PRKCE: variants seen among roughly 807,000 people sequenced by gnomAD.
PRKCE encodes protein kinase C epsilon type.
A neutral mutation model predicts 85.4 loss-of-function variants in PRKCE; 16 were observed. The observed-to-expected ratio is 0.19, with a 90% CI of 0.13 to 0.28. PRKCE has a LOEUF of 0.28. PRKCE is among the 10% of genes least tolerant of loss of function. PRKCE has a pLI of 1.00. For missense variants in PRKCE, 573 were observed against 975.2 expected, an observed-to-expected ratio of 0.59 and a Z score of 5.49; for synonymous variants, 388 against 371.5, an observed-to-expected ratio of 1.04 and a Z score of -0.51.
chr2:45,741,772 C>T (rs1273983477), intron 1 of PRKCE, among the ~76,000 whole-genome samples: 2 of 152,172 alleles, frequency 1.3e-5, no homozygotes, highest in African/African-American at 4.8e-5. Context: ...AGGAAAGCTG[C>T]CAGCATGACC....
At chr2:45,898,966 A>G (rs1337326523) in intron 2 of PRKCE, among the ~76,000 whole-genome samples, 1 of 152,234 alleles carries the variant, frequency 6.6e-6, no homozygotes, top group Non-Finnish European at 1.5e-5. Context: ...CTTCTTAGCT[A>G]GGCCATACAC....
intron 1 of PRKCE, among the ~76,000 whole-genome samples, chr2:45,734,659 T>C (rs1359279165): frequency 1.3e-5 from 2 of 152,194 alleles, no homozygotes; most frequent in Non-Finnish European, 1.5e-5. Context: ...TGTTGTGTGT[T>C]AAGAGAACCC....
At chr2:45,655,819 G>GGGT (rs1417498848) in intron 1 of PRKCE, among the ~76,000 whole-genome samples, 1 of 139,296 alleles carries the variant, frequency 7.2e-6, no homozygotes, top group Non-Finnish European at 1.5e-5. Context: ...ATTCCAGCCT[G>GGGT]GGTGACAGAG....
At chr2:45,927,402 C>A (rs1698715519) in intron 2 of PRKCE, among the ~76,000 whole-genome samples, 1 of 152,126 alleles carries the variant, frequency 6.6e-6, no homozygotes, top group South Asian at 2.1e-4. Context: ...TGCAATCTTC[C>A]TATGAAGCAG....
intron 10 of PRKCE, among the ~76,000 whole-genome samples, chr2:46,033,095 C>T (rs1424415127): frequency 3.9e-5 from 6 of 152,176 alleles, no homozygotes; most frequent in African/African-American, 9.7e-5. Flanking sequence ...CCACTTATGA[C>T]GCAATGACAA....
At chr2:46,062,091 A>T (rs1667196922) in intron 10 of PRKCE, among the ~76,000 whole-genome samples, 1 of 151,552 alleles carries the variant, frequency 6.6e-6, no homozygotes, top group Non-Finnish European at 1.5e-5. Flanking sequence ...CAAACTCCTA[A>T]CCTTAGGTGA....
chr2:45,934,959 G>A (rs1450717413), intron 2 of PRKCE, among the ~76,000 whole-genome samples: 1 of 151,880 alleles, frequency 6.6e-6, no homozygotes. Context: ...TACTTGTGAG[G>A]CTGAGGCAGG....
intron 1 of PRKCE, among the ~76,000 whole-genome samples, chr2:45,672,706 CT>C (rs977902133): frequency 6.6e-6 from 1 of 152,144 alleles, no homozygotes; most frequent in African/African-American, 2.4e-5. Flanking sequence ...AGTGGCTGGT[CT>C]TTACATGTCA....
chr2:45,741,491 A>T (rs568723545), intron 1 of PRKCE, among the ~76,000 whole-genome samples: 1 of 152,280 alleles, frequency 6.6e-6, no homozygotes, highest in South Asian at 2.1e-4. Context: ...GCAGACAGAG[A>T]GCCAAGGTTC....
At chr2:45,694,851 T>C (rs1370938272) in intron 1 of PRKCE, among the ~76,000 whole-genome samples, 1 of 150,912 alleles carries the variant, frequency 6.6e-6, no homozygotes, top group Non-Finnish European at 1.5e-5. Flanking sequence ...ATGTGGAGGG[T>C]TTTAAATATC....
In PRKCE at chr2:45,904,396, T is replaced by C. The variant is rs143027165; in HGVS notation, c.412+61333T>C. ...CAGGGCAAATCACAGGGGGAGAAGA[T>C]GAGGTTTCTTAACAGTACCACCTCT... On this transcript the variant is annotated intron_variant, in intron 2 of 14. Transcript: ENST00000306156. Among the ~76,000 whole-genome samples, 6 of 152,132 alleles carry C rather than the reference T, an allele frequency of 3.9e-5. No homozygotes were observed. In the East Asian group the frequency reaches 1.2e-3, roughly 29 times the overall value.
chr2:45,803,852 G>T (rs896706080), intron 1 of PRKCE, among the ~76,000 whole-genome samples: 5 of 152,192 alleles, frequency 3.3e-5, no homozygotes, highest in Non-Finnish European at 2.9e-5. Context: ...GCTTTGCAGG[G>T]TGAGTGGGGG....
At chr2:46,129,953 T>A (rs541973099) in intron 11 of PRKCE, among the ~76,000 whole-genome samples, 2 of 152,222 alleles carry the variant, frequency 1.3e-5, no homozygotes, top group Non-Finnish European at 2.9e-5. Flanking sequence ...TCTTAACAGC[T>A]AATCTCTGGC....
At chr2:45,820,515 G>A (rs1444951158) in intron 1 of PRKCE, among the ~76,000 whole-genome samples, 4 of 152,108 alleles carry the variant, frequency 2.6e-5, no homozygotes, top group African/African-American at 9.7e-5. Flanking sequence ...AAGGGGGTGG[G>A]AGACAGTTGG....
chr2:45,769,571 C>T (rs1200482106), intron 1 of PRKCE, among the ~76,000 whole-genome samples: 1 of 152,156 alleles, frequency 6.6e-6, no homozygotes, highest in East Asian at 1.9e-4. Flanking sequence ...CATCCAGAGA[C>T]TAGTTTATTT....
At chr2:45,670,133 G>A (rs1307786515) in intron 1 of PRKCE, among the ~76,000 whole-genome samples, 1 of 152,168 alleles carries the variant, frequency 6.6e-6, no homozygotes, top group African/African-American at 2.4e-5. Flanking sequence ...AGCTGAAGAG[G>A]TGGCTCTATG....
rs528571536 is a variant in PRKCE at position 46,097,334 on chromosome 2, C to T, written c.1592+10972C>T. The stretch of plus-strand genomic sequence containing the variant: ...GAGATCGAGACCATCCTGGCTAACG[C>T]GGGGAAACCCCGTCTCTACTAAATA... On this transcript the variant is annotated intron_variant, in intron 11 of 14. Transcript: ENST00000306156. 1.1e-4 allele frequency among the ~76,000 whole-genome samples: 17 copies of T among 151,614 alleles called. No individual in the cohort carries two copies. In the South Asian group the frequency reaches 1.3e-3, roughly 11 times the overall value.
intron 11 of PRKCE, among the ~76,000 whole-genome samples, chr2:46,107,079 A>G (rs1374185941): frequency 2.0e-5 from 3 of 152,224 alleles, no homozygotes; most frequent in Admixed American, 6.5e-5. Flanking sequence ...GCATAGCATC[A>G]TATATCACCA....
At chr2:46,168,041 G>A (rs1447300667) in intron 14 of PRKCE, 1 of 152,152 alleles carries the variant, frequency 6.6e-6, no homozygotes, top group Non-Finnish European at 1.5e-5. Context: ...TCTGATGGCA[G>A]GAACAATGAT....
Sources: allele counts gnomAD v4.1 joint callset (sites outside exome capture counted in the v4.1 genomes callset), GRCh38; gene constraint gnomAD v4.1.1; transcripts MANE v1.5; gene names NCBI Gene and HGNC (gene_info 2026-07-23, HGNC 2026-07-21).